The following PPP1R13L variants were observed in gnomAD, a reference collection of about 807,000 sequenced individuals.
PPP1R13L encodes the protein protein phosphatase 1 regulatory subunit 13 like.
A neutral mutation model predicts 80.9 loss-of-function variants in PPP1R13L; 50 were observed. The ratio of observed to expected loss-of-function variants is 0.62; its 90% CI spans 0.49 to 0.78. The LOEUF is 0.78. PPP1R13L is among the 30% of genes least tolerant of loss of function. The pLI is 0.00. For missense variants in PPP1R13L, 1,200 were observed against 1,205.9 expected (o/e 1.00, Z 0.07); for synonymous variants, 602 against 534.3 (o/e 1.13, Z -1.75).
At chr19:45,389,954 CAGCT>C (rs1225244753) in intron 8 of PPP1R13L, among the ~76,000 whole-genome samples, 1 of 151,770 alleles carries the variant, frequency 6.6e-6, no homozygotes, top group Non-Finnish European at 1.5e-5. Context: ...CCACCACCCC[CAGCT>C]AATTTTTGTA....
At position 45,396,147 on chromosome 19, in the gene PPP1R13L, C is replaced by T. The variant is rs1271748840; in HGVS notation, c.903+21G>A. 3.2e-6 allele frequency: 5 copies of T among 1,584,650 alleles called. No homozygotes were observed. In the Admixed American group the frequency reaches 5.3e-5, roughly 17 times the overall value. On this transcript the variant is annotated intron_variant, in intron 6 of 12. Transcript: ENST00000360957. The surrounding 1 kb of genome is among the most constrained non-coding windows in gnomAD (Gnocchi z 5.3). ...TCCTCGACCTTCCCCAGCCTCTCCTCCCCAGGCGTCGCCTCCTCACCTTGC... is the reference window on the plus strand; with the variant it reads ...TCCTCGACCTTCCCCAGCCTCTCCTTCCCAGGCGTCGCCTCCTCACCTTGC...
In PPP1R13L at chr19:45,399,435, T is replaced by C. The variant is rs193155906; in HGVS notation, c.-21-1096A>G. Among the ~76,000 whole-genome samples the C allele has an allele frequency of 4.3e-3, 622 of 146,104 alleles. 7 individuals are homozygous for C. Among genetic ancestry groups the C allele is most frequent in the Non-Finnish European group, 5.7e-3 (380 of 66,860 alleles). ...GTCAGGAGAGCGAGACCATCCTGGC[T>C]AACATGGTGAAACCCCGTCTCTACT... On this transcript the variant is annotated intron_variant, in intron 1 of 12. Coordinates refer to ENST00000360957, the MANE Select transcript of PPP1R13L (RefSeq NM_006663.4).
chr19:45,390,382 T>A (rs1972948254), intron 8 of PPP1R13L, among the ~76,000 whole-genome samples: 1 of 152,164 alleles, frequency 6.6e-6, no homozygotes, highest in Non-Finnish European at 1.5e-5. Flanking sequence ...GGCGCCACCA[T>A]CTGGTCCTGG....
chr19:45,393,997 C>A (rs137960028), intron 7 of PPP1R13L, among the ~76,000 whole-genome samples: 1 of 152,224 alleles, frequency 6.6e-6, no homozygotes, highest in South Asian at 2.1e-4. Flanking sequence ...TCTCTCTTCA[C>A]AGACGGGAAA....
intron 8 of PPP1R13L, among the ~76,000 whole-genome samples, chr19:45,390,235 G>T (rs34184355): frequency 0.01 from 1,591 of 152,186 alleles, 27 homozygotes; most frequent in African/African-American, 0.036. Flanking sequence ...GGATTGGAAT[G>T]AGACCACCAC....
At chr19:45,405,651 C>T (rs112372428), upstream of PPP1R13L, among the ~76,000 whole-genome samples, 444 of 152,356 alleles carry the variant, frequency 2.9e-3, 1 homozygote, top group Admixed American at 6.0e-3. Context: ...ATTTCCCCTT[C>T]CCCTTGACCC....
Position 45,380,577 on chromosome 19 carries a change from G to A in PPP1R13L, c.2449-349C>T, listed in dbSNP as rs1237235696. ...TCACACCTATAATCCCAGCAGTTTG[G>A]GAGGCCGAGGTGGGTGGATGACCTG... On this transcript the variant is annotated intron_variant, in intron 12 of 12. Coordinates refer to ENST00000360957, the MANE Select transcript of PPP1R13L (RefSeq NM_006663.4). Among the ~76,000 whole-genome samples, 3 of 152,088 alleles carry A rather than the reference G, an allele frequency of 2.0e-5. 1 individual carries two copies. In the East Asian group the frequency reaches 5.8e-4, roughly 29 times the overall value.
chr19:45,396,174 G>C lies in PPP1R13L; in HGVS notation c.897C>G (p.Thr299=). Residue 299 remains threonine, a synonymous_variant, in exon 6 of 13, where the codon ACC becomes ACG. Coordinates refer to ENST00000360957, the MANE Select transcript of PPP1R13L (RefSeq NM_006663.4). This position sits in a 1 kb window ranked among gnomAD's most constrained non-coding sequence, Gnocchi z 5.3. Reference sequence around the variant, plus strand: ...CCAGGCGTCGCCTCCTCACCTTGCCGGTGCCCCCCAGTCCATCCAGGCTGC... The same window carrying C: ...CCAGGCGTCGCCTCCTCACCTTGCCCGTGCCCCCCAGTCCATCCAGGCTGC... ...RESSLDGLGG[T]GKDNLTSATL... is the part of the protein sequence containing the mutation. 1.2e-6 allele frequency: 2 copies of C among 1,607,168 alleles called. No homozygotes were observed. The highest frequency in any genetic ancestry group is 2.2e-5 in the South Asian group (2 of 89,984).
At chr19:45,385,764 C>A (rs374207224) in intron 10 of PPP1R13L, 36 bp from the exon 11 acceptor site, 14 of 1,607,932 alleles carry the variant, frequency 8.7e-6, no homozygotes, top group Non-Finnish European at 1.1e-5. Flanking sequence ...GGGAACGATG[C>A]GTGAGAGGCT....
chr19:45,390,861 G>A (rs1972957791), intron 8 of PPP1R13L, among the ~76,000 whole-genome samples: 1 of 152,132 alleles, frequency 6.6e-6, no homozygotes, highest in South Asian at 2.1e-4. Flanking sequence ...TGGGATTACA[G>A]GCGTGAGCCA....
At chr19:45,399,608 TGC>T (rs2123397626) in intron 1 of PPP1R13L, among the ~76,000 whole-genome samples, 2 of 147,924 alleles carry the variant, frequency 1.4e-5, no homozygotes, top group Non-Finnish European at 3.0e-5. Flanking sequence ...TGGGCGACAG[TGC>T]GAGACTCCGT....
chr19:45,399,513 A>G (rs1395676582), intron 1 of PPP1R13L, among the ~76,000 whole-genome samples: 1 of 151,070 alleles, frequency 6.6e-6, no homozygotes, highest in Non-Finnish European at 1.5e-5. Flanking sequence ...AGTCCCAGCT[A>G]CTCGGGAGGC....
chr19:45,382,613 G>T lies in PPP1R13L; in HGVS notation c.2362C>A (p.Leu788Met). The T allele has an allele frequency of 1.2e-6, 2 of 1,613,732 alleles. No homozygotes were observed. Among genetic ancestry groups the T allele is most frequent in the Non-Finnish European group, 1.7e-6 (2 of 1,179,998 alleles). ...SFREGESVTVLRRDGPEETDW... is the reference protein window; with the variant it reads ...SFREGESVTVMRRDGPEETDW... ...GTCTCCTCCGGCCCGTCCCTCCGCA[G>T]CACGGTGACCGACTCGCCCTCGCGG... Residue 788 changes from leucine (L) to methionine (M), a missense_variant, in exon 12 of 13, where the codon CTG becomes ATG. Physicochemically the swap from Leu to Met is conservative, Grantham distance 15. Around this residue, in one of 5 missense-constraint regions of PPP1R13L, gnomAD observed 165 missense variants for 177.1 expected, o/e 0.93. Transcript: ENST00000360957.
chr19:45,382,916 C>T (rs569396028), intron 11 of PPP1R13L, among the ~76,000 whole-genome samples, 190 bp from the exon 12 acceptor site: 27 of 152,010 alleles, frequency 1.8e-4, no homozygotes, highest in African/African-American at 6.5e-4. Flanking sequence ...CGTCTTTGAG[C>T]GTTCGAGGAA....
chr19:45,398,307 C>T lies in PPP1R13L; in HGVS notation c.12G>A (p.Glu4=), dbSNP rs747739171. MDS[E]AFQSARDFLD... is the part of the protein sequence containing the mutation. ...GAAAGTCCCGCGCGCTCTGGAATGC[C>T]TCGCTGTCCATGGTGCCGGCCGGAG... Residue 4 remains glutamate, a synonymous_variant, in exon 2 of 13, where the codon GAG becomes GAA. Coordinates refer to ENST00000360957, the MANE Select transcript of PPP1R13L (RefSeq NM_006663.4). 2 of 1,613,858 alleles carry T rather than the reference C, an allele frequency of 1.2e-6. No homozygotes were observed. The highest frequency in any genetic ancestry group is 1.7e-6 in the Non-Finnish European group (2 of 1,179,952).
chr19:45,392,604 A>G (rs1973000725), intron 7 of PPP1R13L: 1 of 576,488 alleles, frequency 1.7e-6, no homozygotes. Context: ...AGGTAGATAC[A>G]CTGCCATCTC....
chr19:45,383,108 C>A (rs1484955225), intron 11 of PPP1R13L, among the ~76,000 whole-genome samples: 1 of 149,774 alleles, frequency 6.7e-6, no homozygotes, highest in Non-Finnish European at 1.5e-5. Context: ...CATTCTCCTG[C>A]CTCAGCCTCC....
chr19:45,390,892 C>T (rs1972959298), intron 8 of PPP1R13L, among the ~76,000 whole-genome samples: 1 of 152,122 alleles, frequency 6.6e-6, no homozygotes, highest in Non-Finnish European at 1.5e-5. Flanking sequence ...CCGAGACTCA[C>T]TATTTTATAA....
chr19:45,392,142 GGAATT>G lies in PPP1R13L; in HGVS notation c.1548_1552del (p.Glu516AspfsTer54). 6.3e-7 allele frequency: 1 copy of G among 1,580,266 alleles called. No homozygotes were observed. The highest frequency in any genetic ancestry group is 2.2e-5 in the East Asian group (1 of 44,520). Reference sequence around the variant, plus strand: ...GGAGCCCCTGCGTTTGAGGGGCCGGGGAATTTCCGCCAACACCCGTGCCACCTCCT... The same window carrying G: ...GGAGCCCCTGCGTTTGAGGGGCCGGGTCCGCCAACACCCGTGCCACCTCCT... On this transcript the variant is annotated frameshift_variant, in exon 8 of 13. Transcript: ENST00000360957. LOFTEE classifies it high-confidence loss of function.
Sources: gnomAD v4.1 joint callset for allele counts (sites outside exome capture counted in the v4.1 genomes callset) on GRCh38, gnomAD v4.1.1 for gene constraint, gnomAD v4.1.1 regional missense constraint, Gnocchi (gnomAD v3.1) non-coding constraint, MANE v1.5 for transcripts, NCBI Gene and HGNC (gene_info 2026-07-23, HGNC 2026-07-21) for gene names.